TRIM26: variants seen among roughly 807,000 people sequenced by gnomAD.
The protein encoded by TRIM26 is tripartite motif containing 26.
In TRIM26, 16 loss-of-function variants were observed where a neutral mutation model predicts 45.5. The ratio of observed to expected loss-of-function variants is 0.35; its 90% CI spans 0.24 to 0.53. The LOEUF is 0.53. TRIM26 is among the 20% of genes least tolerant of loss of function. TRIM26 has a pLI of 0.92. For missense variants in TRIM26, 442 were observed against 691.1 expected (o/e 0.64, Z 4.04); for synonymous variants, 273 against 290.4 (o/e 0.94, Z 0.61).
At chr6:30,205,666 T>C (rs1777653827) in intron 1 of TRIM26, among the ~76,000 whole-genome samples, 2 of 152,068 alleles carry the variant, frequency 1.3e-5, no homozygotes, top group South Asian at 4.2e-4. Context: ...AGTGAGACAT[T>C]GTCTCCAAAA....
In TRIM26 at chr6:30,190,923, C is replaced by A. The variant is rs1335043177; in HGVS notation, c.766-888G>T. Among the ~76,000 whole-genome samples, 2 of 152,112 alleles carry A rather than the reference C, an allele frequency of 1.3e-5. No homozygotes were observed. The highest frequency in any genetic ancestry group is 4.2e-4 in the South Asian group (2 of 4,816). ...CAGAAATAAACTTCTATTCTGTTTGCGTCACTGTACAGCAGTGAGCCAAAA... is the reference window on the plus strand; with the variant it reads ...CAGAAATAAACTTCTATTCTGTTTGAGTCACTGTACAGCAGTGAGCCAAAA... On this transcript the variant is annotated intron_variant, in intron 6 of 9. Transcript: ENST00000454678. This position sits in a 1 kb window ranked among gnomAD's most constrained non-coding sequence, Gnocchi z 4.3.
chr6:30,187,133 C>T (rs12175655), intron 9 of TRIM26: 43,583 of 290,538 alleles, frequency 0.15, 4,067 homozygotes, highest in East Asian at 0.31. Flanking sequence ...ATGGACTCTA[C>T]CCCAATTACT....
intron 9 of TRIM26, among the ~76,000 whole-genome samples, chr6:30,188,951 G>C (rs1562188461): frequency 6.6e-6 from 1 of 152,106 alleles, no homozygotes; most frequent in Non-Finnish European, 1.5e-5. Context: ...ACACAGGGCA[G>C]AGAAGGATCA....
rs139766887 is a variant in TRIM26, at chr6:30,198,771, G to A, written c.333C>T (p.Tyr111=). ...GCAGCTTCCCGTCGTCCTCACAGTA[G>A]TAGTGCAGCTTCTCTCGGTGTCGCT... ...LCERHREKLH[Y]YCEDDGKLLC... is the part of the protein sequence containing the mutation. The change falls in exon 4 of 10, where the codon TAC becomes TAT. Residue 111 remains tyrosine (Y), a synonymous_variant. Coordinates refer to ENST00000454678, the MANE Select transcript of TRIM26 (RefSeq NM_003449.5). This position sits in a 1 kb window ranked among gnomAD's most constrained non-coding sequence, Gnocchi z 6.3. 27 of 1,604,492 alleles carry A rather than the reference G, an allele frequency of 1.7e-5. No homozygotes were observed. In the African/African-American group the frequency reaches 2.9e-4, roughly 17 times the overall value.
chr6:30,198,621 T>C lies in TRIM26; in HGVS notation c.438+45A>G, dbSNP rs1562213391. On this transcript the variant is annotated intron_variant, in intron 4 of 9. Coordinates refer to ENST00000454678, the MANE Select transcript of TRIM26 (RefSeq NM_003449.5). The surrounding 1 kb of genome is among the most constrained non-coding windows in gnomAD (Gnocchi z 6.3). ...CCTCTGAGGACTGCAAGGTGGAGCA[T>C]CCAGAGAAGGTGGCAAGGCACCCTC... 1.2e-6 allele frequency: 2 copies of C among 1,606,812 alleles called. No individual in the cohort carries two copies. Among genetic ancestry groups the C allele is most frequent in the Non-Finnish European group, 8.5e-7 (1 of 1,176,894 alleles).
intron 6 of TRIM26, among the ~76,000 whole-genome samples, chr6:30,193,182 A>ATATATTTTTTTTT (rs9280916): frequency 2.6e-5 from 1 of 38,808 alleles, no homozygotes; most frequent in African/African-American, 1.2e-4. Flanking sequence ...ATATATATAT[A>ATATATTTTTTTTT]TTTTTTTTTT....
chr6:30,198,738 C>T lies in TRIM26; in HGVS notation c.366G>A (p.Val122=). The T allele has an allele frequency of 6.2e-7, 1 of 1,604,492 alleles. No individual in the cohort carries two copies. The highest frequency in any genetic ancestry group is 8.5e-7 in the Non-Finnish European group (1 of 1,179,958). ...YCEDDGKLLC[V]MCRESREHRP... ...TGTGCTCCCGGGACTCCCGGCACATCACGCACAGCAGCTTCCCGTCGTCCT... is the reference window on the plus strand; with the variant it reads ...TGTGCTCCCGGGACTCCCGGCACATTACGCACAGCAGCTTCCCGTCGTCCT... The change falls in exon 4 of 10, where the codon GTG becomes GTA. Residue 122 remains valine (V), a synonymous_variant. Coordinates refer to ENST00000454678, the MANE Select transcript of TRIM26 (RefSeq NM_003449.5). This position sits in a 1 kb window ranked among gnomAD's most constrained non-coding sequence, Gnocchi z 6.3.
intron 3 of TRIM26, among the ~76,000 whole-genome samples, chr6:30,200,054 T>C (rs1776986031): frequency 6.6e-6 from 1 of 152,124 alleles, no homozygotes; most frequent in Admixed American, 6.5e-5. Flanking sequence ...GAGGATCACT[T>C]GAACCGAGGA....
In TRIM26 at chr6:30,189,308, G is replaced by A. The variant is rs769330561; in HGVS notation, c.905-109C>T. 2 of 1,562,086 alleles carry A rather than the reference G, an allele frequency of 1.3e-6. No homozygotes were observed. Among genetic ancestry groups the A allele is most frequent in the Non-Finnish European group, 1.8e-6 (2 of 1,133,882 alleles). ...TAGGGATCCATGTCTAAGACAAGAG[G>A]CCCTCAGAAGAGTGAGGATCGACAA... is the stretch of plus-strand genomic sequence containing the variant. On this transcript the variant is annotated intron_variant, in intron 8 of 9. Transcript: ENST00000454678. This position sits in a 1 kb window ranked among gnomAD's most constrained non-coding sequence, Gnocchi z 5.0.
Position 30,186,776 on chromosome 6 carries a change from G to C in TRIM26, c.938-218C>G. 2 of 1,047,310 alleles carry C rather than the reference G, an allele frequency of 1.9e-6. No homozygotes were observed. The highest frequency in any genetic ancestry group is 2.9e-5 in the South Asian group (2 of 68,702). The allele number at this position is 1,047,310 out of a possible 1,614,324, so 64.9% of individuals were successfully genotyped here. On this transcript the variant is annotated intron_variant, in intron 9 of 9. Transcript: ENST00000454678. This position sits in a 1 kb window ranked among gnomAD's most constrained non-coding sequence, Gnocchi z 7.4. Reference sequence around the variant, plus strand: ...CATAACTAAACTGCTTTATAAACATGATATACTGAAATTTAACTTGACTGT... The same window carrying C: ...CATAACTAAACTGCTTTATAAACATCATATACTGAAATTTAACTTGACTGT...
rs1426861904 is a variant in TRIM26 at position 30,185,042 on chromosome 6, T to A, written c.*834A>T. The A allele has an allele frequency of 1.3e-5, 2 of 152,368 alleles. No homozygotes were observed. 9.4% of individuals were successfully genotyped at this position (152,368 alleles called of 1,614,324 possible). On this transcript the variant is annotated 3_prime_UTR_variant, in exon 10 of 10. Transcript: ENST00000454678. This position sits in a 1 kb window ranked among gnomAD's most constrained non-coding sequence, Gnocchi z 5.7. ...AGAACTCCCGAGGCAGGAGAGGTTC[T>A]GCTCCACTGGATGTTTGTCTTGGTG...
intron 6 of TRIM26, among the ~76,000 whole-genome samples, chr6:30,195,213 C>G (rs944900457): frequency 3.3e-5 from 5 of 152,098 alleles, no homozygotes; most frequent in African/African-American, 1.2e-4. Flanking sequence ...AGCTGTGTGC[C>G]TCTGTTCCAC....
At chr6:30,205,959 G>C (rs181148173) in intron 1 of TRIM26, among the ~76,000 whole-genome samples, 2 of 152,320 alleles carry the variant, frequency 1.3e-5, no homozygotes, top group African/African-American at 4.8e-5. Flanking sequence ...CAGGGTACCA[G>C]TTCAGGCCTC....
At position 30,186,573 on chromosome 6, in the gene TRIM26, G is replaced by A. The variant is rs1001166510; in HGVS notation, c.938-15C>T. 502 of 1,355,766 alleles carry A rather than the reference G, an allele frequency of 3.7e-4. 24 individuals carry two copies. The highest frequency in any genetic ancestry group is 1.9e-3 in the East Asian group (71 of 38,208). 84.0% of individuals were successfully genotyped at this position (1,355,766 alleles called of 1,614,324 possible). A position where few individuals can be genotyped will look rare whatever the true frequency, so the allele number is the denominator to read the frequency against. ...GGTGACGCTCACTGTGGGGACAAGG[G>A]AAAAAAAAAAAAACAGCATCACTGT... On this transcript the variant is annotated splice_polypyrimidine_tract_variant and intron_variant, in intron 9 of 9. Coordinates refer to ENST00000454678, the MANE Select transcript of TRIM26 (RefSeq NM_003449.5). The surrounding 1 kb of genome is among the most constrained non-coding windows in gnomAD (Gnocchi z 7.4).
rs1308769447 is a variant in TRIM26 at position 30,190,727 on chromosome 6, A to T, written c.766-692T>A. Among the ~76,000 whole-genome samples the T allele has an allele frequency of 6.6e-6, 1 of 152,144 alleles. No homozygotes were observed. The highest frequency in any genetic ancestry group is 2.4e-5 in the African/African-American group (1 of 41,446). ...TGCTTTCTACTTCCTTTTTACCCCAACTGAATTTTGGACATGGTGGTGGTG... is the reference window on the plus strand; with the variant it reads ...TGCTTTCTACTTCCTTTTTACCCCATCTGAATTTTGGACATGGTGGTGGTG... On this transcript the variant is annotated intron_variant, in intron 6 of 9. Transcript: ENST00000454678. This position sits in a 1 kb window ranked among gnomAD's most constrained non-coding sequence, Gnocchi z 4.3.
intron 1 of TRIM26, among the ~76,000 whole-genome samples, chr6:30,206,772 G>A (rs1292446690): frequency 2.6e-5 from 4 of 152,172 alleles, no homozygotes; most frequent in Non-Finnish European, 4.4e-5. Context: ...CCCAGGCTCT[G>A]GTATTAAAAA....
Position 30,199,169 on chromosome 6 carries a change from T to TA in TRIM26, c.-67dup, listed in dbSNP as rs2127512816. 2 of 1,477,980 alleles carry TA rather than the reference T, an allele frequency of 1.4e-6. No homozygotes were observed. Among genetic ancestry groups the TA allele is most frequent in the East Asian group, 2.3e-5 (1 of 42,960 alleles). 91.6% of individuals were successfully genotyped at this position (1,477,980 alleles called of 1,614,324 possible). A position where few individuals can be genotyped will look rare whatever the true frequency, so the allele number is the denominator to read the frequency against. On this transcript the variant is annotated 5_prime_UTR_variant, in exon 4 of 10. Transcript: ENST00000454678. ...ACTTCTTCTCCTTGGAGACGCGACA[T>TA]AGAGTCAGGAGCAAGCACAGTAAAG...
chr6:30,211,288 G>C (rs1239478247), intron 1 of TRIM26, among the ~76,000 whole-genome samples: 1 of 152,124 alleles, frequency 6.6e-6, no homozygotes, highest in Non-Finnish European at 1.5e-5. Flanking sequence ...ATTTTGGGGG[G>C]AAGAACAAAA....
At chr6:30,210,556 AC>A (rs1778183642) in intron 1 of TRIM26, among the ~76,000 whole-genome samples, 1 of 151,838 alleles carries the variant, frequency 6.6e-6, no homozygotes, top group Admixed American at 6.6e-5. Context: ...ATACAGTAGC[AC>A]CCCCCATCCG....
Sources: allele counts gnomAD v4.1 joint callset (sites outside exome capture counted in the v4.1 genomes callset), GRCh38; gene constraint gnomAD v4.1.1; non-coding constraint Gnocchi (gnomAD v3.1); transcripts MANE v1.5; gene names NCBI Gene and HGNC (gene_info 2026-07-23, HGNC 2026-07-21).